The following MCC variants were observed in gnomAD, a reference collection of about 807,000 sequenced individuals.
MCC encodes the protein colorectal mutant cancer protein.
MCC carries 90 observed loss-of-function variants against 116.2 expected under a neutral mutation model. That is an observed-to-expected ratio of 0.77 (90% CI 0.65 to 0.92). The LOEUF (loss-of-function observed/expected upper bound fraction) is 0.92, where lower values mean the gene tolerates loss of function less well. Ranked by LOEUF, MCC falls within the 40% of genes least tolerant of loss-of-function variation. The pLI is 0.00. For missense variants in MCC, 1,516 were observed against 1,312.2 expected (o/e 1.16, Z -2.40); for synonymous variants, 578 against 510.5 (o/e 1.13, Z -1.78).
chr5:113,115,704 C>T lies in MCC; in HGVS notation c.1027+6980G>A, dbSNP rs141757250. On this transcript the variant is annotated intron_variant, in intron 6 of 18. Coordinates refer to ENST00000408903, the MANE Select transcript of MCC (RefSeq NM_001085377.2). ...GTGGTTTCTGCCAGAACTTTTCTGC[C>T]AGAAAAGTTCTGTTTCACACATATG... 1.4e-4 allele frequency among the ~76,000 whole-genome samples: 22 copies of T among 151,830 alleles called. No individual in the cohort carries two copies. The East Asian group carries it at 2.5e-3, about 17-fold the overall frequency.
intron 3 of MCC, among the ~76,000 whole-genome samples, chr5:113,286,359 C>T (rs1000640957): frequency 6.6e-6 from 1 of 152,214 alleles, no homozygotes. Flanking sequence ...GCAAGGCCAT[C>T]TTTTCCCTAG....
chr5:113,467,052 T>C (rs1022897998), intron 1 of MCC, among the ~76,000 whole-genome samples: 8 of 150,400 alleles, frequency 5.3e-5, no homozygotes, highest in Non-Finnish European at 1.5e-5. Flanking sequence ...TCTTGTAAAT[T>C]TGTTTGAGTT....
intron 3 of MCC, among the ~76,000 whole-genome samples, chr5:113,333,897 C>CA (rs1257528133): frequency 3.6e-5 from 1 of 27,778 alleles, no homozygotes; most frequent in Non-Finnish European, 1.0e-4. Flanking sequence ...ATTTATATAT[C>CA]TATATAAATA....
At position 113,143,295 on chromosome 5, in the gene MCC, C is replaced by T. The variant is rs775216772; in HGVS notation, c.807G>A (p.Glu269=). 1.9e-6 allele frequency: 3 copies of T among 1,613,888 alleles called. No individual in the cohort carries two copies. Among genetic ancestry groups the T allele is most frequent in the Non-Finnish European group, 2.5e-6 (3 of 1,179,968 alleles). The change falls in exon 5 of 19, where the codon GAG becomes GAA. Residue 269 remains glutamate, a synonymous_variant. Coordinates refer to ENST00000408903, the MANE Select transcript of MCC (RefSeq NM_001085377.2). The part of the protein sequence containing the change: ...DVQERTTLRY[E]ERITELHSVI... ...CGCTGTGGAGCTCTGTGATGCGTTC[C>T]TCATAGCGAAGTGTCGTTCGCTCCT...
At chr5:113,033,597 A>T (rs1346684724) in intron 17 of MCC, among the ~76,000 whole-genome samples, 1 of 152,222 alleles carries the variant, frequency 6.6e-6, no homozygotes, top group Admixed American at 6.5e-5. Context: ...CAAATGAGAA[A>T]GCAAAAATTC....
chr5:113,333,094 A>C (rs898015316), intron 3 of MCC, among the ~76,000 whole-genome samples: 6 of 151,824 alleles, frequency 4.0e-5, no homozygotes, highest in African/African-American at 1.2e-4. Flanking sequence ...AAAGGGGGAA[A>C]CAAACCAAAA....
chr5:113,123,889 T>G (rs947551798), intron 5 of MCC, among the ~76,000 whole-genome samples: 1 of 152,160 alleles, frequency 6.6e-6, no homozygotes, highest in African/African-American at 2.4e-5. Context: ...TCATTTTAAG[T>G]TGTCAACAAC....
chr5:113,442,279 T>TG (rs1371840850), intron 1 of MCC, among the ~76,000 whole-genome samples: 1 of 152,266 alleles, frequency 6.6e-6, no homozygotes, highest in East Asian at 1.9e-4. Flanking sequence ...TTCATATGTT[T>TG]GTTGGCTGCA....
rs370202103 is a variant in MCC at position 113,341,522 on chromosome 5, A to G, written c.416-792T>C. On this transcript the variant is annotated intron_variant, in intron 2 of 18. Coordinates refer to ENST00000408903, the MANE Select transcript of MCC (RefSeq NM_001085377.2). ...TCTACTGTTGATGTACTCTTACCTG[A>G]AGGAAGCTAGACTGTATTTTCCAGT... Among the ~76,000 whole-genome samples, 31 of 152,312 alleles carry G rather than the reference A, an allele frequency of 2.0e-4. No homozygotes were observed. The South Asian group carries it at 6.4e-3, about 32-fold the overall frequency.
At chr5:113,228,255 C>T (rs1362905886) in intron 3 of MCC, among the ~76,000 whole-genome samples, 2 of 152,066 alleles carry the variant, frequency 1.3e-5, no homozygotes, top group Non-Finnish European at 1.5e-5. Context: ...GTGGTGGGAA[C>T]TTTAAGAGGT....
chr5:113,402,081 T>C (rs893829482), intron 1 of MCC, among the ~76,000 whole-genome samples: 1 of 151,592 alleles, frequency 6.6e-6, no homozygotes, highest in Non-Finnish European at 1.5e-5. Flanking sequence ...GATCACGAGG[T>C]CCGGAGATCA....
At chr5:113,078,610 T>G (rs559853333) in intron 11 of MCC, among the ~76,000 whole-genome samples, 1 of 152,108 alleles carries the variant, frequency 6.6e-6, no homozygotes, top group Admixed American at 6.6e-5. Context: ...ATTCAACAGC[T>G]CTTCATGCTA....
chr5:113,448,299 G>A (rs1483502520), intron 1 of MCC: 1 of 152,212 alleles, frequency 6.6e-6, no homozygotes, highest in Non-Finnish European at 1.5e-5. Context: ...TTTGAAGGAA[G>A]AACATATGTG....
intron 3 of MCC, among the ~76,000 whole-genome samples, chr5:113,227,087 A>T (rs1477172768): frequency 6.6e-6 from 1 of 152,162 alleles, no homozygotes; most frequent in Non-Finnish European, 1.5e-5. Context: ...TACTTTTTCG[A>T]TGTGATATGA....
intron 3 of MCC, among the ~76,000 whole-genome samples, chr5:113,337,932 T>C (rs1767909612): frequency 1.3e-5 from 2 of 152,138 alleles, no homozygotes; most frequent in Non-Finnish European, 2.9e-5. Context: ...ACTATGGCTA[T>C]GAAACAAACT....
chr5:113,066,606 C>G (rs562139555), intron 13 of MCC, among the ~76,000 whole-genome samples: 2 of 152,310 alleles, frequency 1.3e-5, no homozygotes, highest in East Asian at 3.9e-4. Flanking sequence ...TTCCTTCCTT[C>G]ACTTTTGCTT....
At chr5:113,139,901 C>CA (rs2150283777) in intron 5 of MCC, among the ~76,000 whole-genome samples, 1 of 152,018 alleles carries the variant, frequency 6.6e-6, no homozygotes, top group East Asian at 1.9e-4. Flanking sequence ...AAAGCAACAG[C>CA]AAAAAAGCAA....
At chr5:113,151,256 A>C (rs2150291242) in intron 4 of MCC, 53 bp downstream of exon 4, 1 of 1,076,642 alleles carries the variant, frequency 9.3e-7, no homozygotes, top group Non-Finnish European at 1.4e-6. Context: ...CTTAAGATTA[A>C]ATATTTAAAA....
intron 3 of MCC, among the ~76,000 whole-genome samples, chr5:113,188,132 T>A (rs1028669525): frequency 5.9e-5 from 9 of 152,338 alleles, no homozygotes; most frequent in African/African-American, 2.2e-4. Context: ...GGACCTCAGA[T>A]GGTACTGAAA....
Sources: gnomAD v4.1 joint callset for allele counts (sites outside exome capture counted in the v4.1 genomes callset) on GRCh38, gnomAD v4.1.1 for gene constraint, MANE v1.5 for transcripts, NCBI Gene and HGNC (gene_info 2026-07-23, HGNC 2026-07-21) for gene names.